HSDL2: variants seen among roughly 807,000 people sequenced by gnomAD.
The protein encoded by HSDL2 is hydroxysteroid dehydrogenase like 2.
A neutral mutation model predicts 46.3 loss-of-function variants in HSDL2; 27 were observed. That is an observed-to-expected ratio of 0.58 (90% CI 0.43 to 0.80). The LOEUF is 0.80. Among genes scored for constraint, HSDL2 ranks in the 30% least tolerant of loss-of-function variants. HSDL2 has a pLI of 0.00. For synonymous variants in HSDL2, 153 were observed against 163.6 expected (o/e 0.94, Z 0.50); for missense variants, 451 against 502.7 (o/e 0.90, Z 0.98).
intron 8 of HSDL2, among the ~76,000 whole-genome samples, chr9:112,442,205 G>A (rs558237245): frequency 1.7e-4 from 23 of 133,350 alleles, no homozygotes; most frequent in Non-Finnish European, 3.1e-4. Flanking sequence ...GGAAGTTGAA[G>A]TTTCAGTGAG....
chr9:112,421,762 C>T (rs116648074), intron 6 of HSDL2, among the ~76,000 whole-genome samples: 2,396 of 152,156 alleles, frequency 0.016, 56 homozygotes, highest in African/African-American at 0.055. Flanking sequence ...CTGAATTTGC[C>T]GGCAGAGGGG....
intron 8 of HSDL2, among the ~76,000 whole-genome samples, chr9:112,447,279 CA>C (rs1832776720): frequency 6.6e-6 from 1 of 152,224 alleles, no homozygotes; most frequent in Non-Finnish European, 1.5e-5. Context: ...TAAAATCTAT[CA>C]CAGGTTTTTT....
chr9:112,427,681 G>A (rs1001499318), intron 6 of HSDL2, among the ~76,000 whole-genome samples: 2 of 151,940 alleles, frequency 1.3e-5, no homozygotes, highest in African/African-American at 2.4e-5. Context: ...AAACCAGGTC[G>A]TTTATCTTAT....
intron 6 of HSDL2, among the ~76,000 whole-genome samples, chr9:112,431,806 G>A (rs574627981): frequency 7.3e-5 from 11 of 151,718 alleles, no homozygotes; most frequent in Admixed American, 3.9e-4. Flanking sequence ...AGCCATGCTT[G>A]TACAGCATGC....
chr9:112,400,894 T>C (rs1294756605), intron 1 of HSDL2, among the ~76,000 whole-genome samples: 2 of 152,174 alleles, frequency 1.3e-5, no homozygotes, highest in African/African-American at 4.8e-5. Flanking sequence ...ACCTGTCCGA[T>C]TGGAGTAAGG....
chr9:112,420,996 G>C (rs1041571477), intron 6 of HSDL2, among the ~76,000 whole-genome samples: 1 of 151,778 alleles, frequency 6.6e-6, no homozygotes, highest in Non-Finnish European at 1.5e-5. Context: ...AACAAAAAAA[G>C]AGAATGCATA....
At chr9:112,450,998 C>T (rs902321376) in intron 8 of HSDL2, among the ~76,000 whole-genome samples, 2 of 151,920 alleles carry the variant, frequency 1.3e-5, no homozygotes, top group African/African-American at 2.4e-5. Flanking sequence ...TCTAGGAGTT[C>T]GAGACCAGCC....
chr9:112,428,939 C>A lies in HSDL2; in HGVS notation c.599-9492C>A, dbSNP rs191729777. On this transcript the variant is annotated intron_variant, in intron 6 of 10. Transcript: ENST00000398805. ...TTTTTGAGACAGTCTTGCTCTGTTGCCCAGGCTGGAGTGCAGTGGTGCGAT... is the reference window on the plus strand; with the variant it reads ...TTTTTGAGACAGTCTTGCTCTGTTGACCAGGCTGGAGTGCAGTGGTGCGAT... 9.9e-5 allele frequency among the ~76,000 whole-genome samples: 15 copies of A among 152,278 alleles called. No homozygotes were observed. In the East Asian group the frequency reaches 2.5e-3, roughly 25 times the overall value.
At chr9:112,423,496 G>C (rs1248557339) in intron 6 of HSDL2, among the ~76,000 whole-genome samples, 1 of 151,902 alleles carries the variant, frequency 6.6e-6, no homozygotes, top group African/African-American at 2.4e-5. Flanking sequence ...TTTTAGTAGA[G>C]AGGGGGTTTC....
At chr9:112,452,951 A>G (rs573674201) in intron 8 of HSDL2, among the ~76,000 whole-genome samples, 1 of 152,238 alleles carries the variant, frequency 6.6e-6, no homozygotes, top group South Asian at 2.1e-4. Context: ...CCTGTTAGTC[A>G]GGGGACTAAC....
At chr9:112,469,622 C>T (rs1833506546) in intron 10 of HSDL2, 1 of 132,852 alleles carries the variant, frequency 7.5e-6, no homozygotes, top group South Asian at 2.4e-4. Flanking sequence ...ATGTACTCCA[C>T]TGTACATGTA....
intron 6 of HSDL2, among the ~76,000 whole-genome samples, chr9:112,428,448 A>G (rs1390255642): frequency 6.6e-6 from 1 of 152,226 alleles, no homozygotes; most frequent in Non-Finnish European, 1.5e-5. Flanking sequence ...GATGAGAGTG[A>G]AAAAGGCACT....
At chr9:112,427,833 T>C (rs1171852303) in intron 6 of HSDL2, among the ~76,000 whole-genome samples, 1 of 152,248 alleles carries the variant, frequency 6.6e-6, no homozygotes, top group Non-Finnish European at 1.5e-5. Context: ...TATTCATTCA[T>C]CATCCAACAA....
At chr9:112,448,307 A>G (rs1292768566) in intron 8 of HSDL2, among the ~76,000 whole-genome samples, 1 of 6,388 alleles carries the variant, frequency 1.6e-4, no homozygotes, top group East Asian at 1.7e-3. Flanking sequence ...CATTAAAACT[A>G]TTTTATTTTA....
chr9:112,433,498 CTG>C (rs961050709), intron 6 of HSDL2, among the ~76,000 whole-genome samples: 7 of 152,070 alleles, frequency 4.6e-5, no homozygotes, highest in African/African-American at 1.4e-4. Context: ...TAATAATAAA[CTG>C]GGGAAAATAG....
chr9:112,388,104 A>G (rs897510076), intron 1 of HSDL2, among the ~76,000 whole-genome samples: 4 of 150,930 alleles, frequency 2.7e-5, no homozygotes, highest in African/African-American at 7.4e-5. Flanking sequence ...GGCTGCAGTG[A>G]GCTGTGATTG....
intron 4 of HSDL2, among the ~76,000 whole-genome samples, chr9:112,411,682 A>G (rs1831872364): frequency 6.6e-6 from 1 of 152,196 alleles, no homozygotes; most frequent in Non-Finnish European, 1.5e-5. Flanking sequence ...CTCAAAAAGA[A>G]AAAAACTATT....
chr9:112,454,727 A>G (rs1310370420), intron 9 of HSDL2, among the ~76,000 whole-genome samples: 5 of 151,424 alleles, frequency 3.3e-5, no homozygotes, highest in African/African-American at 4.9e-5. Flanking sequence ...TTTTTTTGCA[A>G]TGGAGTCTCG....
At chr9:112,439,535 A>T (rs758317474) in intron 7 of HSDL2, among the ~76,000 whole-genome samples, 4 of 152,200 alleles carry the variant, frequency 2.6e-5, no homozygotes, top group Non-Finnish European at 4.4e-5. Flanking sequence ...CATATAGAAT[A>T]TGATGTATTC....
Sources: allele counts gnomAD v4.1 joint callset (sites outside exome capture counted in the v4.1 genomes callset), GRCh38; gene constraint gnomAD v4.1.1; transcripts MANE v1.5; gene names NCBI Gene and HGNC (gene_info 2026-07-23, HGNC 2026-07-21).